The following GABRR1 variants were observed in gnomAD, a reference collection of about 807,000 sequenced individuals.
GABRR1 encodes gamma-aminobutyric acid type A receptor subunit rho1, also known as gamma-aminobutyric acid receptor subunit rho-1.
A neutral mutation model predicts 55.5 loss-of-function variants in GABRR1; 59 were observed. The ratio of observed to expected loss-of-function variants is 1.06; its 90% CI spans 0.86 to 1.32. The LOEUF (loss-of-function observed/expected upper bound fraction) is 1.32. Ranked by LOEUF, GABRR1 falls within the 40% of genes most tolerant of loss-of-function variation. The pLI is 0.00. For synonymous variants in GABRR1, 213 were observed against 226.0 expected (o/e 0.94, Z 0.51); for missense variants, 602 against 619.1 (o/e 0.97, Z 0.29).
chr6:89,201,048 G>A (rs910165920), intron 3 of GABRR1, 111 bp downstream of exon 3: 18 of 761,610 alleles, frequency 2.4e-5, no homozygotes, highest in Middle Eastern at 7.6e-4. Flanking sequence ...AAGCACAACT[G>A]AGGCAGACCG....
At chr6:89,219,922 C>T (rs1041961212), upstream of GABRR1, among the ~76,000 whole-genome samples, 8 of 152,110 alleles carry the variant, frequency 5.3e-5, no homozygotes, top group African/African-American at 1.9e-4. Flanking sequence ...CTTTAACGTG[C>T]TTTCAATTAA....
At chr6:89,193,843 G>T (rs1430023058) in intron 5 of GABRR1, among the ~76,000 whole-genome samples, 1 of 152,084 alleles carries the variant, frequency 6.6e-6, no homozygotes, top group African/African-American at 2.4e-5. Context: ...AGTTCCCTGG[G>T]CCACAGAGAA....
At chr6:89,185,522 G>C (rs1771876977) in intron 6 of GABRR1, 72 bp from the exon 7 acceptor site, 1 of 1,367,470 alleles carries the variant, frequency 7.3e-7, no homozygotes, top group Admixed American at 1.7e-5. Context: ...CTATGTAGAA[G>C]CTGTGTCCTG....
At chr6:89,194,609 A>G (rs1030709585) in intron 5 of GABRR1, among the ~76,000 whole-genome samples, 1 of 152,182 alleles carries the variant, frequency 6.6e-6, no homozygotes, top group Non-Finnish European at 1.5e-5. Flanking sequence ...AAGGAAGTGC[A>G]GTGATATCCA....
chr6:89,201,543 T>G (rs574582260), intron 2 of GABRR1, among the ~76,000 whole-genome samples: 12 of 151,962 alleles, frequency 7.9e-5, no homozygotes, highest in Middle Eastern at 3.4e-3. Flanking sequence ...ACTTTGGGAG[T>G]CCGAGGCGGG....
At chr6:89,223,512 G>A (rs1415941720) in intron 1 of GABRR1, among the ~76,000 whole-genome samples, 2 of 152,118 alleles carry the variant, frequency 1.3e-5, no homozygotes, top group African/African-American at 4.8e-5. Flanking sequence ...ATAAACATGC[G>A]TGTACAAGTG....
upstream of GABRR1, among the ~76,000 whole-genome samples, chr6:89,219,981 T>C (rs1199334703): frequency 6.6e-6 from 1 of 152,222 alleles, no homozygotes; most frequent in Non-Finnish European, 1.5e-5. Flanking sequence ...GAATATGTGA[T>C]GTCTCCCGAG....
intron 3 of GABRR1, 82 bp from the exon 4 acceptor site, chr6:89,199,511 C>T: frequency 1.5e-6 from 2 of 1,300,858 alleles, no homozygotes; most frequent in African/African-American, 1.5e-5. Flanking sequence ...GGAGCATTTC[C>T]CCTGGAACCT....
intron 1 of GABRR1, among the ~76,000 whole-genome samples, chr6:89,223,711 T>TC (rs1773148620): frequency 1.9e-5 from 1 of 53,944 alleles, no homozygotes; most frequent in Admixed American, 1.5e-4. Context: ...CACCAATATC[T>TC]TTTTTTTTTT....
At chr6:89,198,605 C>CTT (rs1772375123) in intron 4 of GABRR1, among the ~76,000 whole-genome samples, 1 of 152,074 alleles carries the variant, frequency 6.6e-6, no homozygotes. Context: ...AGAGAGAAGG[C>CTT]GGTGGATACA....
intron 9 of GABRR1, among the ~76,000 whole-genome samples, 192 bp from the exon 10 acceptor site, chr6:89,179,255 G>A (rs1771643521): frequency 1.3e-5 from 2 of 151,438 alleles, no homozygotes; most frequent in East Asian, 1.9e-4. Flanking sequence ...TGCTCTTGTC[G>A]CCCAGGCTGG....
At chr6:89,205,255 C>T (rs62416270) in intron 1 of GABRR1, among the ~76,000 whole-genome samples, 7 of 152,194 alleles carry the variant, frequency 4.6e-5, no homozygotes, top group Non-Finnish European at 1.0e-4. Flanking sequence ...GGAAGCAAGG[C>T]TGGCCACAGC....
intron 5 of GABRR1, 103 bp from the exon 6 acceptor site, chr6:89,190,350 C>T (rs1204497932): frequency 7.6e-5 from 53 of 696,548 alleles, no homozygotes; most frequent in Non-Finnish European, 1.1e-4. Context: ...TGATAGATGC[C>T]TCTTCTCATA....
chr6:89,206,041 G>A (rs1035726661), intron 1 of GABRR1, among the ~76,000 whole-genome samples: 25 of 151,982 alleles, frequency 1.6e-4, no homozygotes, highest in African/African-American at 5.8e-4. Flanking sequence ...GCCCACAGCA[G>A]TCAGGCAGCC....
At chr6:89,226,337 C>T (rs1328608396) in intron 1 of GABRR1, among the ~76,000 whole-genome samples, 6 of 144,006 alleles carry the variant, frequency 4.2e-5, no homozygotes, top group Non-Finnish European at 9.1e-5. Flanking sequence ...GAAGTCCTTG[C>T]CCATGCCTAT....
chr6:89,201,797 A>G (rs898225767), intron 2 of GABRR1, among the ~76,000 whole-genome samples: 3 of 146,674 alleles, frequency 2.0e-5, no homozygotes, highest in Admixed American at 2.0e-4. Context: ...AAAAAAAAAT[A>G]CCGATGCCCA....
chr6:89,184,513 CTT>C (rs1337460473), intron 7 of GABRR1, among the ~76,000 whole-genome samples: 1 of 152,142 alleles, frequency 6.6e-6, no homozygotes, highest in Non-Finnish European at 1.5e-5. Flanking sequence ...TGCACTGACA[CTT>C]AGAAGAGAGT....
In GABRR1 at chr6:89,181,779, A is replaced by C. The variant is rs902076031; in HGVS notation, c.949+126T>G. On this transcript the variant is annotated intron_variant, in intron 8 of 9. Transcript: ENST00000454853. ...TTTAACTATAAATAAATAACTCTTG[A>C]GTTTTTCCAAGTCATAACGCCAAAA... The C allele has an allele frequency of 3.9e-5, 36 of 925,026 alleles. No homozygotes were observed. In the African/African-American group the frequency reaches 5.0e-4, roughly 13 times the overall value. 57.3% of individuals were successfully genotyped at this position (925,026 alleles called of 1,614,324 possible). A position where few individuals can be genotyped will look rare whatever the true frequency, so the allele number is the denominator to read the frequency against.
At chr6:89,220,108 T>C (rs1773091946), upstream of GABRR1, among the ~76,000 whole-genome samples, 1 of 152,148 alleles carries the variant, frequency 6.6e-6, no homozygotes, top group African/African-American at 2.4e-5. Flanking sequence ...AACAGGACAA[T>C]AAGGCATTAA....
Sources: gnomAD v4.1 joint callset for allele counts (sites outside exome capture counted in the v4.1 genomes callset) on GRCh38, gnomAD v4.1.1 for gene constraint, MANE v1.5 for transcripts, NCBI Gene and HGNC (gene_info 2026-07-23, HGNC 2026-07-21) for gene names.